Variants in RDX observed in about 807,000 individuals in gnomAD.
RDX encodes the protein radixin, also known as deafness, autosomal recessive 24.
A neutral mutation model predicts 83.7 loss-of-function variants in RDX; 32 were observed. The ratio of observed to expected loss-of-function variants is 0.38; its 90% CI spans 0.29 to 0.51. The LOEUF (loss-of-function observed/expected upper bound fraction) is 0.51, where lower values mean the gene tolerates loss of function less well. Ranked by LOEUF, RDX falls within the 20% of genes least tolerant of loss-of-function variation. The pLI is 0.87. For synonymous variants in RDX, 229 were observed against 222.7 expected, an observed-to-expected ratio of 1.03 and a Z score of -0.25; for missense variants, 600 against 689.9, an observed-to-expected ratio of 0.87 and a Z score of 1.46.
At chr11:110,257,727 C>T (rs1380541270) in intron 7 of RDX, 40 bp downstream of exon 7, 1 of 1,597,462 alleles carries the variant, frequency 6.3e-7, no homozygotes, top group Non-Finnish European at 8.6e-7. Flanking sequence ...ATTTAGACCA[C>T]TGAACAATGA....
intron 1 of RDX, among the ~76,000 whole-genome samples, chr11:110,285,386 A>G (rs189948550): frequency 2.8e-4 from 42 of 152,044 alleles, no homozygotes; most frequent in Admixed American, 7.9e-4. Context: ...CCTCATCTCA[A>G]AAGAAAATAA....
intron 9 of RDX, among the ~76,000 whole-genome samples, chr11:110,252,897 G>A (rs1358788685): frequency 6.6e-6 from 1 of 152,086 alleles, no homozygotes; most frequent in Non-Finnish European, 1.5e-5. Context: ...CTCCCAAGTA[G>A]CTGAGACTAC....
chr11:110,275,184 G>A (rs1264710546), intron 2 of RDX, among the ~76,000 whole-genome samples: 1 of 152,154 alleles, frequency 6.6e-6, no homozygotes, highest in African/African-American at 2.4e-5. Flanking sequence ...CATGGCATGT[G>A]CATACAGAAT....
At chr11:110,219,972 G>C (rs1033013979) in intron 14 of RDX, among the ~76,000 whole-genome samples, 1 of 152,218 alleles carries the variant, frequency 6.6e-6, no homozygotes. Flanking sequence ...ATAATATGAA[G>C]GGGTTGAGGA....
At chr11:110,248,814 A>G (rs1460490284) in intron 9 of RDX, among the ~76,000 whole-genome samples, 1 of 152,348 alleles carries the variant, frequency 6.6e-6, no homozygotes, top group East Asian at 1.9e-4. Flanking sequence ...ACAATTTTCA[A>G]TCATTAAAAA....
exon 15 of RDX, chr11:110,199,655 A>C (rs769663290): frequency 4.4e-5 from 31 of 702,950 alleles, no homozygotes; most frequent in Non-Finnish European, 7.5e-5. Flanking sequence ...CATCTGGAAC[A>C]ATGCATACAG....
intron 10 of RDX, among the ~76,000 whole-genome samples, chr11:110,239,832 C>A (rs1316518325): frequency 6.9e-6 from 1 of 145,712 alleles, no homozygotes; most frequent in Non-Finnish European, 1.5e-5. Flanking sequence ...TAGAGGAAGA[C>A]TCTGTTTTTA....
intron 3 of RDX, among the ~76,000 whole-genome samples, chr11:110,270,703 C>T (rs1338392044): frequency 6.6e-6 from 1 of 152,156 alleles, no homozygotes; most frequent in Non-Finnish European, 1.5e-5. Flanking sequence ...GACTCCAGTG[C>T]CCACACTTCT....
chr11:110,189,713 C>T (rs926516402), intron 15 of RDX, among the ~76,000 whole-genome samples: 1 of 152,204 alleles, frequency 6.6e-6, no homozygotes, highest in Non-Finnish European at 1.5e-5. Flanking sequence ...TCTCTCAAAA[C>T]CACACAATTA....
chr11:110,188,258 C>A (rs1422120116), intron 15 of RDX, among the ~76,000 whole-genome samples: 1 of 151,396 alleles, frequency 6.6e-6, no homozygotes, highest in Non-Finnish European at 1.5e-5. Flanking sequence ...CACACCACTG[C>A]ACTCCAGCCT....
In RDX at chr11:110,190,912, A is replaced by G. The variant is rs1383103662; in HGVS notation, c.*31+8669T>C. Among the ~76,000 whole-genome samples the G allele has an allele frequency of 3.9e-5, 6 of 152,364 alleles. No homozygotes were observed. In the South Asian group the frequency reaches 8.3e-4, roughly 21 times the overall value. ...TCAGGAAGAAATCGAAACTCTGAAT[A>G]GAGCAGTATCAAGTTCCAAAATTGA... On this transcript the variant is annotated intron_variant, in intron 15 of 15. Transcript: ENST00000528498.
intron 9 of RDX, 144 bp from the exon 10 acceptor site, chr11:110,247,977 A>C: frequency 1.1e-6 from 1 of 892,764 alleles, no homozygotes; most frequent in Non-Finnish European, 1.7e-6. Context: ...TTCTAAGTGA[A>C]GTAACTCAGA....
chr11:110,275,950 A>ATT (rs1411091667), intron 2 of RDX, among the ~76,000 whole-genome samples: 1 of 151,578 alleles, frequency 6.6e-6, no homozygotes, highest in Non-Finnish European at 1.5e-5. Context: ...ATGCCTGACT[A>ATT]TTTTTTGTAT....
chr11:110,289,238 CAAAAAA>C (rs753424624), intron 1 of RDX, among the ~76,000 whole-genome samples: 4 of 54,358 alleles, frequency 7.4e-5, no homozygotes, highest in African/African-American at 2.5e-4. Context: ...AACTCTATCT[CAAAAAA>C]AAAAAAAAAA....
chr11:110,176,173 C>T (rs1454998524), intron 15 of RDX, among the ~76,000 whole-genome samples: 2 of 151,582 alleles, frequency 1.3e-5, no homozygotes, highest in Non-Finnish European at 2.9e-5. Context: ...GTACCCTCTG[C>T]CTCCCAGGTT....
intron 15 of RDX, among the ~76,000 whole-genome samples, chr11:110,178,982 T>C (rs1862829709): frequency 6.6e-6 from 1 of 152,130 alleles, no homozygotes; most frequent in Admixed American, 6.5e-5. Context: ...ACATTCGAGT[T>C]TGGGGTCCCT....
At chr11:110,215,128 A>T (rs949154339) in intron 14 of RDX, among the ~76,000 whole-genome samples, 50 of 149,906 alleles carry the variant, frequency 3.3e-4, no homozygotes, top group Admixed American at 9.3e-4. Context: ...TGGAAGGCCG[A>T]GGTGGGCGGA....
chr11:110,250,865 AAAT>A (rs1354097309), intron 9 of RDX, among the ~76,000 whole-genome samples: 1 of 152,226 alleles, frequency 6.6e-6, no homozygotes, highest in African/African-American at 2.4e-5. Flanking sequence ...CACTTCATTC[AAAT>A]AATACAAATG....
At chr11:110,291,173 A>G (rs1365653936) in intron 1 of RDX, among the ~76,000 whole-genome samples, 1 of 152,104 alleles carries the variant, frequency 6.6e-6, no homozygotes, top group Non-Finnish European at 1.5e-5. Context: ...AAAAAAATTA[A>G]AATCAGCCAA....
Sources: gnomAD v4.1 joint callset for allele counts (sites outside exome capture counted in the v4.1 genomes callset) on GRCh38, gnomAD v4.1.1 for gene constraint, MANE v1.5 for transcripts, NCBI Gene and HGNC (gene_info 2026-07-23, HGNC 2026-07-21) for gene names.